Variants in FBRSL1 observed in about 807,000 individuals in gnomAD.
The protein encoded by FBRSL1 is fibrosin like 1.
FBRSL1 carries 51 observed loss-of-function variants against 89.6 expected under a neutral mutation model. That is an observed-to-expected ratio of 0.57 (90% CI 0.45 to 0.72). FBRSL1 has a LOEUF of 0.72. Ranked by LOEUF, FBRSL1 falls within the 30% of genes least tolerant of loss-of-function variation. The pLI is 0.00. For synonymous variants in FBRSL1, 779 were observed against 681.1 expected (o/e 1.14, Z -2.24); for missense variants, 1,618 against 1,451.8 (o/e 1.11, Z -1.86).
intron 4 of FBRSL1, among the ~76,000 whole-genome samples, chr12:132,531,550 CGT>C (rs35736267): frequency 1.0e-3 from 152 of 150,466 alleles, no homozygotes; most frequent in African/African-American, 2.6e-3. Context: ...TCTGTGTGTG[CGT>C]GTGTGTGTGT....
chr12:132,512,523 G>A lies in FBRSL1; in HGVS notation c.489+4173G>A, dbSNP rs192702799. Among the ~76,000 whole-genome samples, 27 of 152,354 alleles carry A rather than the reference G, an allele frequency of 1.8e-4. 3 individuals carry two copies. In the East Asian group the frequency reaches 1.9e-3, roughly 11 times the overall value. On this transcript the variant is annotated intron_variant, in intron 2 of 18. Transcript: ENST00000680143. Reference sequence around the variant, plus strand: ...AGTCACCCACACAAGCCATTGCCCCGCAGAGGGGCTGAAGTTGCCTTCAGA... The same window carrying A: ...AGTCACCCACACAAGCCATTGCCCCACAGAGGGGCTGAAGTTGCCTTCAGA...
At chr12:132,502,806 C>T (rs1593252682) in intron 1 of FBRSL1, among the ~76,000 whole-genome samples, 1 of 65,836 alleles carries the variant, frequency 1.5e-5, no homozygotes, top group African/African-American at 5.1e-5. Context: ...TCCCCGCCCC[C>T]TCCTGTCCCC....
At chr12:132,506,012 C>G (rs955239909) in intron 1 of FBRSL1, among the ~76,000 whole-genome samples, 3 of 152,210 alleles carry the variant, frequency 2.0e-5, no homozygotes, top group Non-Finnish European at 4.4e-5. Context: ...CGCCTGGAGC[C>G]GGAGATGTCG....
In FBRSL1 at chr12:132,523,748, G is replaced by A. The variant is rs114843253; in HGVS notation, c.490-1986G>A. ...CAATGGTCAGACTCCCCAGGGGGCC[G>A]GTGATACACGGTTCCTGGAGCGGGC... is the stretch of plus-strand genomic sequence containing the variant. On this transcript the variant is annotated intron_variant, in intron 2 of 18. Coordinates refer to ENST00000680143, the MANE Select transcript of FBRSL1 (RefSeq NM_001367871.1). Among the ~76,000 whole-genome samples, 787 of 152,342 alleles carry A rather than the reference G, an allele frequency of 5.2e-3. 5 individuals are homozygous for A. Among genetic ancestry groups the A allele is most frequent in the African/African-American group, 0.018 (748 of 41,578 alleles).
At chr12:132,509,135 C>G in intron 2 of FBRSL1, 1 of 1,181,890 alleles carries the variant, frequency 8.5e-7, no homozygotes, top group Non-Finnish European at 1.1e-6. Flanking sequence ...GACACCTGCC[C>G]AGGTGGACAC....
chr12:132,529,703 CT>C (rs1314735098), intron 4 of FBRSL1, among the ~76,000 whole-genome samples: 2 of 151,916 alleles, frequency 1.3e-5, no homozygotes, highest in African/African-American at 4.8e-5. Context: ...CTCTGCCCCC[CT>C]GGGCTCTTCT....
intron 6 of FBRSL1, among the ~76,000 whole-genome samples, chr12:132,569,350 C>T (rs1394191282): frequency 6.6e-6 from 1 of 152,072 alleles, no homozygotes; most frequent in Non-Finnish European, 1.5e-5. Flanking sequence ...GGGAAGCCTC[C>T]CACCCAGTCC....
Position 132,544,776 on chromosome 12 carries a change from G to A in FBRSL1, c.616-3227G>A, listed in dbSNP as rs556486042. 5.7e-4 allele frequency among the ~76,000 whole-genome samples: 86 copies of A among 152,024 alleles called. 1 individual carries two copies. The South Asian group carries it at 0.016, about 28-fold the overall frequency. ...TGATAGTGATTATGGCGGTGATGGC[G>A]ATGGTGAGGATGATGGTGATGGTGG... is the stretch of plus-strand genomic sequence containing the variant. On this transcript the variant is annotated intron_variant, in intron 4 of 18. Transcript: ENST00000680143.
intron 5 of FBRSL1, among the ~76,000 whole-genome samples, chr12:132,563,737 G>A (rs866106611): frequency 1.0e-5 from 1 of 99,782 alleles, no homozygotes; most frequent in African/African-American, 4.0e-5. Context: ...CTGAACCCCC[G>A]AGCTCCTGTG....
chr12:132,574,410 G>A lies in FBRSL1; in HGVS notation c.1629+62G>A, dbSNP rs368078564. ...ACTCTGGTGCCCCCGGGGCGGCCTC[G>A]GGGGGCCCGTGACAGCAGGAGTCTG... On this transcript the variant is annotated intron_variant, in intron 13 of 18. Coordinates refer to ENST00000680143, the MANE Select transcript of FBRSL1 (RefSeq NM_001367871.1). 23 of 1,548,022 alleles carry A rather than the reference G, an allele frequency of 1.5e-5. No homozygotes were observed. Among genetic ancestry groups the A allele is most frequent in the East Asian group, 9.8e-5 (4 of 40,844 alleles).
intron 11 of FBRSL1, among the ~76,000 whole-genome samples, chr12:132,573,116 C>T (rs1033353065): frequency 9.8e-5 from 15 of 152,314 alleles, no homozygotes; most frequent in Non-Finnish European, 1.8e-4. Context: ...GAGAGGGAAC[C>T]CCGTGACCCT....
At chr12:132,497,917 A>G (rs1291855235) in intron 1 of FBRSL1, among the ~76,000 whole-genome samples, 3 of 152,100 alleles carry the variant, frequency 2.0e-5, no homozygotes, top group African/African-American at 4.8e-5. Flanking sequence ...CCTCCCCTAG[A>G]GACCCCTCGG....
At chr12:132,494,480 A>G (rs574926477) in intron 1 of FBRSL1, among the ~76,000 whole-genome samples, 51 of 152,302 alleles carry the variant, frequency 3.3e-4, no homozygotes, top group African/African-American at 1.2e-3. Flanking sequence ...TGCTTAGCCC[A>G]GTGGGCTGCA....
At chr12:132,513,023 C>T (rs2034511346) in intron 2 of FBRSL1, among the ~76,000 whole-genome samples, 1 of 152,246 alleles carries the variant, frequency 6.6e-6, no homozygotes, top group Non-Finnish European at 1.5e-5. Flanking sequence ...GTCCTGGGGC[C>T]CGCGCCCTGG....
intron 15 of FBRSL1, among the ~76,000 whole-genome samples, chr12:132,580,073 T>A (rs1312361676): frequency 6.6e-6 from 1 of 152,128 alleles, no homozygotes; most frequent in Admixed American, 6.6e-5. Flanking sequence ...AGTTTGTCCA[T>A]TTCACCAGTA....
chr12:132,556,985 T>A (rs2038729908), intron 5 of FBRSL1, among the ~76,000 whole-genome samples: 1 of 152,282 alleles, frequency 6.6e-6, no homozygotes, highest in East Asian at 1.9e-4. Flanking sequence ...GCCCCAGCGC[T>A]CGGCTAACCA....
At chr12:132,501,294 G>A (rs988200679) in intron 1 of FBRSL1, among the ~76,000 whole-genome samples, 1 of 152,238 alleles carries the variant, frequency 6.6e-6, no homozygotes, top group Non-Finnish European at 1.5e-5. Flanking sequence ...CTGGGGCCGA[G>A]CGGCGGCTGC....
intron 4 of FBRSL1, among the ~76,000 whole-genome samples, chr12:132,528,710 G>T (rs905608219): frequency 1.3e-5 from 2 of 151,956 alleles, no homozygotes; most frequent in African/African-American, 2.4e-5. Context: ...AGAGAAGCAG[G>T]TGTGTTTCAG....
Position 132,583,244 on chromosome 12 carries a change from G to C in FBRSL1, c.2475G>C (p.Glu825Asp). 1 of 1,359,812 alleles carries C rather than the reference G, an allele frequency of 7.4e-7. No individual in the cohort carries two copies. Among genetic ancestry groups the C allele is most frequent in the Non-Finnish European group, 9.5e-7 (1 of 1,055,910 alleles). 84.2% of individuals were successfully genotyped at this position (1,359,812 alleles called of 1,614,324 possible). A position where few individuals can be genotyped will look rare whatever the true frequency, so the allele number is the denominator to read the frequency against. The change falls in exon 19 of 19, where the codon GAG becomes GAC. Residue 825 changes from glutamate to aspartate, a missense_variant. Transcript: ENST00000680143. ...KEERGEDEAS[E>D]PPAGGLHPAP... ...AGCGCGGGGAGGACGAGGCCTCCGA[G>C]CCCCCGGCGGGCGGCCTGCACCCCG...
Sources: allele counts gnomAD v4.1 joint callset (sites outside exome capture counted in the v4.1 genomes callset), GRCh38; gene constraint gnomAD v4.1.1; transcripts MANE v1.5; gene names NCBI Gene and HGNC (gene_info 2026-07-23, HGNC 2026-07-21).